MGAT4C: variants seen among roughly 807,000 people sequenced by gnomAD.
MGAT4C encodes the protein MGAT4 family member C, also known as alpha-1,3-mannosyl-glycoprotein 4-beta-N-acetylglucosaminyltransferase C.
In MGAT4C, 19 loss-of-function variants were observed where a neutral mutation model predicts 40.1. That is an observed-to-expected ratio of 0.47 (90% CI 0.33 to 0.70). MGAT4C has a LOEUF of 0.70. MGAT4C is among the 30% of genes least tolerant of loss of function. The pLI is 0.02. For missense variants in MGAT4C, 491 were observed against 563.2 expected (o/e 0.87, Z 1.30); for synonymous variants, 181 against 187.1 (o/e 0.97, Z 0.27).
At chr12:86,387,309 G>A (rs1468661218) in intron 3 of MGAT4C, among the ~76,000 whole-genome samples, 1 of 151,886 alleles carries the variant, frequency 6.6e-6, no homozygotes, top group Non-Finnish European at 1.5e-5. Context: ...ATTTGATATT[G>A]TAAATAACAT....
intron 3 of MGAT4C, among the ~76,000 whole-genome samples, chr12:86,408,610 T>A (rs12578669): frequency 0.64 from 95,114 of 148,836 alleles, 31,085 homozygotes; most frequent in South Asian, 0.77. Flanking sequence ...ATACCTAGAG[T>A]CTCTGTCTCT....
At chr12:86,487,423 G>A (rs1202738775) in intron 2 of MGAT4C, among the ~76,000 whole-genome samples, 2 of 152,188 alleles carry the variant, frequency 1.3e-5, no homozygotes, top group South Asian at 2.1e-4. Context: ...ACTCCTGGAA[G>A]GTGGTCTTTA....
intron 4 of MGAT4C, among the ~76,000 whole-genome samples, chr12:86,332,644 GT>G (rs10651122): frequency 4.6e-5 from 7 of 150,858 alleles, no homozygotes; most frequent in South Asian, 2.1e-4. Flanking sequence ...CTTTTTAAAG[GT>G]TTTTTTTTGT....
chr12:86,414,636 TC>T (rs1278225373), intron 3 of MGAT4C, among the ~76,000 whole-genome samples: 1 of 152,140 alleles, frequency 6.6e-6, no homozygotes, highest in African/African-American at 2.4e-5. Flanking sequence ...ATGTTGAAGA[TC>T]TATAATCTTA....
In MGAT4C at chr12:85,973,623, A is replaced by G. The variant is rs1287571416; in HGVS notation, c.*5666T>C. 1 of 150,898 alleles carries G rather than the reference A, an allele frequency of 6.6e-6. No individual in the cohort carries two copies. The highest frequency in any genetic ancestry group is 1.5e-5 in the Non-Finnish European group (1 of 67,066). The allele number at this position is 150,898 out of a possible 1,614,324, so 9.3% of individuals were successfully genotyped here. A position where few individuals can be genotyped will look rare whatever the true frequency, so the allele number is the denominator to read the frequency against. ...CTTTAAGGAGATGGCTACTTAGGGT[A>G]CTTTTTAATCCAATATAATGTGAAA... is the stretch of plus-strand genomic sequence containing the variant. On this transcript the variant is annotated 3_prime_UTR_variant, in exon 5 of 5. Coordinates refer to ENST00000611864, the MANE Select transcript of MGAT4C (RefSeq NM_001351288.2).
At chr12:86,186,080 G>T (rs569925636) in intron 1 of MGAT4C, among the ~76,000 whole-genome samples, 1 of 152,240 alleles carries the variant, frequency 6.6e-6, no homozygotes, top group Non-Finnish European at 1.5e-5. Flanking sequence ...AAGGACTCAG[G>T]CTTATAGGAG....
At chr12:86,469,613 G>A (rs1407723242) in intron 2 of MGAT4C, among the ~76,000 whole-genome samples, 3 of 152,108 alleles carry the variant, frequency 2.0e-5, no homozygotes, top group South Asian at 2.1e-4. Flanking sequence ...AAGTAATTGC[G>A]GTTTTTTTTT....
At position 85,955,942 on chromosome 12, in the gene MGAT4C, C is replaced by T. The variant is rs1882770617; in HGVS notation, c.*23347G>A. 6.6e-6 allele frequency: 1 copy of T among 152,108 alleles called. No individual in the cohort carries two copies. Among genetic ancestry groups the T allele is most frequent in the African/African-American group, 2.4e-5 (1 of 41,426 alleles). 9.4% of individuals were successfully genotyped at this position (152,108 alleles called of 1,614,324 possible). On this transcript the variant is annotated 3_prime_UTR_variant, in exon 5 of 5. Coordinates refer to ENST00000611864, the MANE Select transcript of MGAT4C (RefSeq NM_001351288.2). ...GTAAATATCAACTACAAGGTTAGTG[C>T]AATTACACTTGTTAGGGCACAGAGA... is the stretch of plus-strand genomic sequence containing the variant.
At chr12:85,995,272 A>G (rs1250754938) in intron 2 of MGAT4C, among the ~76,000 whole-genome samples, 2 of 152,182 alleles carry the variant, frequency 1.3e-5, no homozygotes, top group Non-Finnish European at 2.9e-5. Context: ...AGGAGACAGA[A>G]ATAATAATTT....
At chr12:86,075,086 CAA>C (rs544479569) in intron 1 of MGAT4C, among the ~76,000 whole-genome samples, 75 of 152,216 alleles carry the variant, frequency 4.9e-4, no homozygotes, top group African/African-American at 1.7e-3. Flanking sequence ...GTCCACAGTC[CAA>C]AGTCTTATCT....
At chr12:86,699,534 C>A (rs559044439) in intron 2 of MGAT4C, among the ~76,000 whole-genome samples, 5 of 151,844 alleles carry the variant, frequency 3.3e-5, no homozygotes, top group Non-Finnish European at 7.4e-5. Flanking sequence ...TGTGTGTGCA[C>A]GCGCATGAGA....
intron 2 of MGAT4C, among the ~76,000 whole-genome samples, chr12:86,616,891 G>A (rs1342041284): frequency 6.6e-6 from 1 of 152,018 alleles, no homozygotes; most frequent in African/African-American, 2.4e-5. Context: ...TAGAGGGACA[G>A]AAGCCTTTCA....
intron 1 of MGAT4C, among the ~76,000 whole-genome samples, chr12:86,133,373 T>C (rs1593030442): frequency 6.6e-6 from 1 of 152,340 alleles, no homozygotes; most frequent in East Asian, 1.9e-4. Context: ...AAATGACGAC[T>C]TTGTTACTTG....
intron 1 of MGAT4C, among the ~76,000 whole-genome samples, chr12:86,252,209 G>A (rs1008780209): frequency 5.9e-5 from 9 of 152,058 alleles, no homozygotes; most frequent in Non-Finnish European, 8.8e-5. Context: ...AATCACATTC[G>A]TACTTTCAAT....
intron 1 of MGAT4C, among the ~76,000 whole-genome samples, chr12:86,148,109 T>G (rs1205221842): frequency 6.6e-6 from 1 of 152,184 alleles, no homozygotes; most frequent in Non-Finnish European, 1.5e-5. Context: ...AAAAGAATAA[T>G]AAAGTGAATG....
intron 1 of MGAT4C, among the ~76,000 whole-genome samples, chr12:86,766,697 A>C (rs1322899481): frequency 1.3e-5 from 2 of 152,084 alleles, no homozygotes; most frequent in Non-Finnish European, 2.9e-5. Context: ...TCAAACTAGA[A>C]CTCAAGATTA....
At chr12:86,084,896 G>T (rs530922739) in intron 1 of MGAT4C, among the ~76,000 whole-genome samples, 7 of 152,052 alleles carry the variant, frequency 4.6e-5, no homozygotes, top group Non-Finnish European at 1.0e-4. Flanking sequence ...AAGGATGGTT[G>T]TAAGGCCAGT....
At chr12:86,617,416 G>C (rs781330242) in intron 2 of MGAT4C, among the ~76,000 whole-genome samples, 1 of 152,048 alleles carries the variant, frequency 6.6e-6, no homozygotes, top group Non-Finnish European at 1.5e-5. Context: ...TGGACATCTC[G>C]AGTCTCACCA....
intron 2 of MGAT4C, among the ~76,000 whole-genome samples, chr12:86,532,900 A>G (rs1565830885): frequency 6.6e-6 from 1 of 152,056 alleles, no homozygotes; most frequent in Non-Finnish European, 1.5e-5. Context: ...TGATAGATTA[A>G]TAATAATAAA....
Sources: gnomAD v4.1 joint callset for allele counts (sites outside exome capture counted in the v4.1 genomes callset) on GRCh38, gnomAD v4.1.1 for gene constraint, MANE v1.5 for transcripts, NCBI Gene and HGNC (gene_info 2026-07-23, HGNC 2026-07-21) for gene names.